PCDH7: variants seen among roughly 807,000 people sequenced by gnomAD.
PCDH7 encodes the protein protocadherin-7.
PCDH7 carries 17 observed loss-of-function variants against 58.9 expected under a neutral mutation model. The ratio of observed to expected loss-of-function variants is 0.29; its 90% CI spans 0.20 to 0.43. The LOEUF (loss-of-function observed/expected upper bound fraction) is 0.43. PCDH7 is among the 20% of genes least tolerant of loss of function. The pLI is 1.00. For synonymous variants in PCDH7, 664 were observed against 616.4 expected, an observed-to-expected ratio of 1.08 and a Z score of -1.14; for missense variants, 1,274 against 1,441.0, an observed-to-expected ratio of 0.88 and a Z score of 1.88.
chr4:30,871,128 T>G (rs1378903265), intron 1 of PCDH7, among the ~76,000 whole-genome samples: 1 of 152,108 alleles, frequency 6.6e-6, no homozygotes, highest in Non-Finnish European at 1.5e-5. Context: ...ATATGACACC[T>G]ACAGGGACTT....
chr4:30,917,515 G>A (rs1196827529), intron 1 of PCDH7, among the ~76,000 whole-genome samples: 1 of 151,904 alleles, frequency 6.6e-6, no homozygotes, highest in Non-Finnish European at 1.5e-5. Context: ...AATATTTATT[G>A]TGAGTTATGT....
chr4:31,028,186 A>T (rs1308504325), intron 3 of PCDH7, among the ~76,000 whole-genome samples: 1 of 152,186 alleles, frequency 6.6e-6, no homozygotes, highest in African/African-American at 2.4e-5. Flanking sequence ...TGATATTAGG[A>T]TATATAAAAA....
chr4:30,760,437 T>G (rs1374739636), intron 1 of PCDH7, among the ~76,000 whole-genome samples: 3 of 152,194 alleles, frequency 2.0e-5, no homozygotes, highest in South Asian at 2.1e-4. Flanking sequence ...ATCCTATATC[T>G]AGAAAACCCC....
At chr4:31,078,549 T>C (rs1979816) in intron 3 of PCDH7, among the ~76,000 whole-genome samples, 81,746 of 148,938 alleles carry the variant, frequency 0.55, 24,021 homozygotes, top group East Asian at 0.78. Context: ...TCTTGAACTC[T>C]GAGCCTCAAG....
At chr4:31,004,940 G>A (rs533162695) in intron 3 of PCDH7, among the ~76,000 whole-genome samples, 21 of 151,944 alleles carry the variant, frequency 1.4e-4, no homozygotes, top group African/African-American at 3.1e-4. Context: ...TATAAGTAGC[G>A]GTCAAAATGA....
At chr4:31,005,483 T>A (rs1313792623) in intron 3 of PCDH7, among the ~76,000 whole-genome samples, 1 of 152,134 alleles carries the variant, frequency 6.6e-6, no homozygotes, top group Non-Finnish European at 1.5e-5. Flanking sequence ...AGAAACCAGG[T>A]TGGAAATAGG....
At chr4:31,028,038 C>T (rs1754585660) in intron 3 of PCDH7, among the ~76,000 whole-genome samples, 2 of 151,906 alleles carry the variant, frequency 1.3e-5, no homozygotes, top group South Asian at 4.1e-4. Context: ...CATTTTGTAC[C>T]TTTTATAACT....
At chr4:30,930,234 A>T (rs1447786153) in intron 2 of PCDH7, among the ~76,000 whole-genome samples, 1 of 152,208 alleles carries the variant, frequency 6.6e-6, no homozygotes, top group East Asian at 1.9e-4. Context: ...CTAAGCAGAA[A>T]TGTGGATAAG....
chr4:31,132,620 A>G lies in PCDH7; in HGVS notation c.*8-9853A>G, dbSNP rs1033226861. Among the ~76,000 whole-genome samples, 11 of 152,274 alleles carry G rather than the reference A, an allele frequency of 7.2e-5. No homozygotes were observed. In the East Asian group the frequency reaches 1.7e-3, roughly 24 times the overall value. On this transcript the variant is annotated intron_variant, in intron 3 of 3. Coordinates refer to the PCDH7 transcript ENST00000509759. ...TAAAATGAAGTGGCTCTAAATTGAT[A>G]CTTACAACTGTTTTAGTACCACACC... is the stretch of plus-strand genomic sequence containing the variant.
At chr4:31,080,236 T>C (rs1470858935) in intron 3 of PCDH7, among the ~76,000 whole-genome samples, 1 of 151,938 alleles carries the variant, frequency 6.6e-6, no homozygotes, top group Non-Finnish European at 1.5e-5. Context: ...ATTTTGCTTC[T>C]TTCCCCCTAC....
chr4:30,938,861 T>C (rs1380172355), intron 2 of PCDH7, among the ~76,000 whole-genome samples: 2 of 152,178 alleles, frequency 1.3e-5, no homozygotes, highest in African/African-American at 4.8e-5. Context: ...AGAGAAACCC[T>C]GTAAGGTGAA....
chr4:30,912,793 G>A (rs1741964838), intron 1 of PCDH7, among the ~76,000 whole-genome samples: 1 of 152,086 alleles, frequency 6.6e-6, no homozygotes, highest in Non-Finnish European at 1.5e-5. Flanking sequence ...ATAAAAAATG[G>A]ACTCCAAGGG....
rs1197328516 is a variant in PCDH7 at position 31,009,421 on chromosome 4, A to C, written c.*7+59206A>C. Among the ~76,000 whole-genome samples the C allele has an allele frequency of 2.6e-5, 4 of 152,032 alleles. No homozygotes were observed. The East Asian group carries it at 7.7e-4, about 29-fold the overall frequency. ...AGAATGAAGGTGTGCATACATTCAC[A>C]TACACACAGAGACGCATTATATATT... On this transcript the variant is annotated intron_variant, in intron 3 of 3. Coordinates refer to the PCDH7 transcript ENST00000509759.
At chr4:30,955,780 C>T (rs1373127157) in intron 3 of PCDH7, among the ~76,000 whole-genome samples, 1 of 151,814 alleles carries the variant, frequency 6.6e-6, no homozygotes. Context: ...AACTCCTGAT[C>T]TCAAGTGATC....
At chr4:31,141,816 A>G (rs911898418) in intron 3 of PCDH7, among the ~76,000 whole-genome samples, 1 of 150,692 alleles carries the variant, frequency 6.6e-6, no homozygotes, top group African/African-American at 2.4e-5. Flanking sequence ...TTGGCATGGT[A>G]GGAGGGGGGT....
At chr4:31,088,303 G>A (rs1258919778) in intron 3 of PCDH7, among the ~76,000 whole-genome samples, 1 of 151,992 alleles carries the variant, frequency 6.6e-6, no homozygotes, top group Non-Finnish European at 1.5e-5. Context: ...TTAATTTTGG[G>A]AGATGTATAT....
At chr4:30,940,606 T>A (rs1745912468) in intron 2 of PCDH7, among the ~76,000 whole-genome samples, 1 of 152,046 alleles carries the variant, frequency 6.6e-6, no homozygotes, top group African/African-American at 2.4e-5. Context: ...AATGAAATTC[T>A]TGTGGCATAT....
chr4:31,101,073 C>T (rs574120935), intron 3 of PCDH7, among the ~76,000 whole-genome samples: 2 of 152,192 alleles, frequency 1.3e-5, no homozygotes, highest in Admixed American at 6.5e-5. Context: ...TCCCAAGCTG[C>T]TTCTCTGTTG....
intron 3 of PCDH7, among the ~76,000 whole-genome samples, chr4:30,958,740 T>C (rs1748103273): frequency 6.6e-6 from 1 of 151,994 alleles, no homozygotes; most frequent in African/African-American, 2.4e-5. Flanking sequence ...TTATCTAAAT[T>C]AACCAAGAAA....
Sources: allele counts gnomAD v4.1 joint callset (sites outside exome capture counted in the v4.1 genomes callset), GRCh38; gene constraint gnomAD v4.1.1; transcripts MANE v1.5; gene names NCBI Gene and HGNC (gene_info 2026-07-23, HGNC 2026-07-21).